Variants in RPN2 observed in about 807,000 individuals in gnomAD.
RPN2 encodes dolichyl-diphosphooligosaccharide--protein glycosyltransferase subunit 2.
In RPN2, 29 loss-of-function variants were observed where a neutral mutation model predicts 71.4. The observed-to-expected ratio is 0.41, with a 90% CI of 0.30 to 0.55. The LOEUF is 0.55. Ranked by LOEUF, RPN2 falls within the 20% of genes least tolerant of loss-of-function variation. The pLI, the probability that RPN2 is intolerant of heterozygous loss-of-function variation, is 0.35. For missense variants in RPN2, 726 were observed against 774.1 expected, an observed-to-expected ratio of 0.94 and a Z score of 0.74; for synonymous variants, 308 against 305.0, an observed-to-expected ratio of 1.01 and a Z score of -0.10.
rs367669079 is a variant in RPN2 at position 37,191,961 on chromosome 20, G to A, written c.208-6436G>A. ...AAAGTAAAATTAGATGGGCATGGTG[G>A]CATGCACCTCTAGTCCTAGCTATTT... is the stretch of plus-strand genomic sequence containing the variant. On this transcript the variant is annotated intron_variant, in intron 2 of 16. Transcript: ENST00000237530. Among the ~76,000 whole-genome samples the A allele has an allele frequency of 5.6e-5, 8 of 143,042 alleles. No individual in the cohort carries two copies. The East Asian group carries it at 6.2e-4, about 11-fold the overall frequency. The allele number at this position is 143,042 out of a possible 152,430, so 93.8% of individuals were successfully genotyped here.
rs533697979 is a variant in RPN2, at chr20:37,179,649, A to G, written c.13+280A>G. 1.8e-4 allele frequency: 107 copies of G among 593,524 alleles called. No homozygotes were observed. In the South Asian group the frequency reaches 3.5e-3, roughly 20 times the overall value. 36.8% of individuals were successfully genotyped at this position (593,524 alleles called of 1,614,324 possible). On this transcript the variant is annotated intron_variant, in intron 1 of 16. Coordinates refer to ENST00000237530, the MANE Select transcript of RPN2 (RefSeq NM_002951.5). ...TGGGGACCGCGGACGCGCTTAGCCT[A>G]GGTCTGGCCTCATTCATTTCACTCG...
chr20:37,235,025 A>G (rs1444664068), intron 15 of RPN2, among the ~76,000 whole-genome samples: 1 of 152,142 alleles, frequency 6.6e-6, no homozygotes, highest in African/African-American at 2.4e-5. Context: ...AGGAGTCACT[A>G]TCTGTGCGCC....
rs372985504 is a variant in RPN2, at chr20:37,234,016, T to G, written c.1678-4T>G. The G allele has an allele frequency of 1.2e-6, 2 of 1,614,196 alleles. No homozygotes were observed. The highest frequency in any genetic ancestry group is 1.6e-4 in the Middle Eastern group (1 of 6,062). Reference sequence around the variant, plus strand: ...TTTTTAATTTATTTCTCCCCATCATTCAGTGGATCCGGATTGGTGCCAATG... The same window carrying G: ...TTTTTAATTTATTTCTCCCCATCATGCAGTGGATCCGGATTGGTGCCAATG... On this transcript the variant is annotated splice_region_variant and splice_polypyrimidine_tract_variant and intron_variant, in intron 14 of 16. Coordinates refer to ENST00000237530, the MANE Select transcript of RPN2 (RefSeq NM_002951.5).
At chr20:37,211,354 G>C (rs2067659804) in intron 8 of RPN2, among the ~76,000 whole-genome samples, 1 of 150,226 alleles carries the variant, frequency 6.7e-6, no homozygotes, top group Admixed American at 6.6e-5. Context: ...ATTAGAGATG[G>C]GGGCCAGGTG....
At chr20:37,210,221 C>A in intron 8 of RPN2, 56 bp downstream of exon 8, 2 of 1,607,586 alleles carry the variant, frequency 1.2e-6, no homozygotes, top group South Asian at 2.2e-5. Flanking sequence ...GGAAAGTTAG[C>A]CTGCAGCCAG....
chr20:37,180,172 A>T (rs966259072), intron 1 of RPN2, among the ~76,000 whole-genome samples: 2 of 152,196 alleles, frequency 1.3e-5, no homozygotes, highest in Admixed American at 6.5e-5. Flanking sequence ...TTGGAATCCC[A>T]CGGAAGGGAA....
chr20:37,207,257 T>C lies in RPN2; in HGVS notation c.691-16T>C, dbSNP rs779472301. 6.2e-7 allele frequency: 1 copy of C among 1,608,562 alleles called. No individual in the cohort carries two copies. Among genetic ancestry groups the C allele is most frequent in the South Asian group, 1.1e-5 (1 of 90,996 alleles). On this transcript the variant is annotated splice_polypyrimidine_tract_variant and intron_variant, in intron 6 of 16. Coordinates refer to ENST00000237530, the MANE Select transcript of RPN2 (RefSeq NM_002951.5). ...AGCAGAGGAAGAGAAACAGCTGCAT[T>C]TCGCATTTCTTTCAGGATCAGGTCA... is the stretch of plus-strand genomic sequence containing the variant.
rs11479251 is a variant in RPN2, at chr20:37,188,620, C to CTT, written c.207+4259_207+4260dup. 3.4e-3 allele frequency among the ~76,000 whole-genome samples: 482 copies of CTT among 143,084 alleles called. 3 individuals carry two copies. Among genetic ancestry groups the CTT allele is most frequent in the South Asian group, 0.024 (108 of 4,500 alleles). 93.9% of individuals were successfully genotyped at this position (143,084 alleles called of 152,430 possible). On this transcript the variant is annotated intron_variant, in intron 2 of 16. Transcript: ENST00000237530. ...CAGAATTGATAGTCCCAATTGGTGT[C>CTT]TTTTTTTTTTTTTCTGAGACAAGGC...
intron 9 of RPN2, among the ~76,000 whole-genome samples, chr20:37,216,354 TAAA>T (rs2067803485): frequency 6.6e-6 from 1 of 152,172 alleles, no homozygotes; most frequent in African/African-American, 2.4e-5. Context: ...AATAAATAAA[TAAA>T]TAAAATACAA....
chr20:37,237,389 G>A (rs1016164), intron 16 of RPN2, among the ~76,000 whole-genome samples: 117,526 of 152,108 alleles, frequency 0.77, 45,856 homozygotes, highest in Middle Eastern at 0.9. Flanking sequence ...TTTCAGACAC[G>A]CAAAGGCCAG....
Position 37,232,308 on chromosome 20 carries a change from G to T in RPN2, c.1594G>T (p.Glu532Ter). ...PKQEIQHLFR[E>*]PEKRPPTVVS... Reference sequence around the variant, plus strand: ...TGTCTTTCGGCAGCACCTGTTCCGCGAGCCTGAGAAGAGGCCCCCCACCGT... The same window carrying T: ...TGTCTTTCGGCAGCACCTGTTCCGCTAGCCTGAGAAGAGGCCCCCCACCGT... Residue 532 changes from glutamate (E) to a stop codon, truncating the protein, a stop_gained, in exon 14 of 17, where the codon GAG (glutamate) becomes TAG (stop). Coordinates refer to ENST00000237530, the MANE Select transcript of RPN2 (RefSeq NM_002951.5). LOFTEE classifies it high-confidence loss of function. 1 of 1,614,136 alleles carries T rather than the reference G, an allele frequency of 6.2e-7. No homozygotes were observed. The highest frequency in any genetic ancestry group is 8.5e-7 in the Non-Finnish European group (1 of 1,180,026).
intron 2 of RPN2, among the ~76,000 whole-genome samples, chr20:37,192,249 T>C (rs1274493551): frequency 6.6e-6 from 1 of 152,238 alleles, no homozygotes; most frequent in Admixed American, 6.5e-5. Context: ...GGTCAGGCAC[T>C]AGTTCATTCC....
In RPN2 at chr20:37,232,299, C is replaced by T. The variant is rs2068269837; in HGVS notation, c.1585C>T (p.Leu529=). 6.2e-7 allele frequency: 1 copy of T among 1,614,088 alleles called. No homozygotes were observed. Among genetic ancestry groups the T allele is most frequent in the Non-Finnish European group, 8.5e-7 (1 of 1,180,032 alleles). ...LFTPKQEIQH[L]FREPEKRPPT... ...TTCTTGGTGTGTCTTTCGGCAGCAC[C>T]TGTTCCGCGAGCCTGAGAAGAGGCC... Residue 529 remains leucine (L), a synonymous_variant, in exon 14 of 17, where the codon CTG becomes TTG. Transcript: ENST00000237530.
chr20:37,210,279 T>C, intron 8 of RPN2, 114 bp downstream of exon 8: 1 of 1,571,984 alleles, frequency 6.4e-7, no homozygotes, highest in Non-Finnish European at 8.7e-7. Context: ...TCTACTGGTA[T>C]CGAAAGCCTA....
chr20:37,234,744 A>G (rs1243812054), intron 15 of RPN2, among the ~76,000 whole-genome samples: 1 of 149,920 alleles, frequency 6.7e-6, no homozygotes, highest in African/African-American at 2.5e-5. Context: ...GCAGTGGTGC[A>G]TTCATGGCTC....
At chr20:37,210,200 C>A in intron 8 of RPN2, 35 bp downstream of exon 8, 1 of 1,611,068 alleles carries the variant, frequency 6.2e-7, no homozygotes, top group Non-Finnish European at 8.5e-7. Context: ...GGGCGCTGAC[C>A]TCTTTGTTTT....
At chr20:37,217,272 A>T (rs369151275) in intron 9 of RPN2, among the ~76,000 whole-genome samples, 1 of 89,004 alleles carries the variant, frequency 1.1e-5, no homozygotes, top group Non-Finnish European at 2.6e-5. Context: ...TGAAAACTAA[A>T]TATTATTATT....
At chr20:37,210,238 A>C (rs2146608555) in intron 8 of RPN2, 73 bp downstream of exon 8, 1 of 1,603,582 alleles carries the variant, frequency 6.2e-7, no homozygotes, top group Non-Finnish European at 8.5e-7. Context: ...CCAGTGTAAC[A>C]GATTAATACA....
intron 8 of RPN2, among the ~76,000 whole-genome samples, chr20:37,211,535 G>A (rs1170857691): frequency 6.6e-6 from 1 of 150,880 alleles, no homozygotes; most frequent in Non-Finnish European, 1.5e-5. Context: ...CAGCTACTCC[G>A]GAGGCTGAGG....
Sources: allele counts gnomAD v4.1 joint callset (sites outside exome capture counted in the v4.1 genomes callset), GRCh38; gene constraint gnomAD v4.1.1; transcripts MANE v1.5; gene names NCBI Gene and HGNC (gene_info 2026-07-23, HGNC 2026-07-21).